CFAP99: variants seen among roughly 807,000 people sequenced by gnomAD.
The protein encoded by CFAP99 is cilia- and flagella-associated protein 99.
A neutral mutation model predicts 82.7 loss-of-function variants in CFAP99; 84 were observed. That is an observed-to-expected ratio of 1.02 (90% CI 0.85 to 1.22). The LOEUF (loss-of-function observed/expected upper bound fraction) is 1.22. Ranked by LOEUF, CFAP99 falls within the 50% of genes most tolerant of loss-of-function variation. The pLI is 0.00. For missense variants in CFAP99, 1,059 were observed against 983.5 expected (o/e 1.08, Z -1.03); for synonymous variants, 456 against 429.5 (o/e 1.06, Z -0.76).
exon 8 of CFAP99, chr4:2,449,964 C>G: frequency 1.3e-6 from 2 of 1,536,206 alleles, no homozygotes; most frequent in East Asian, 2.4e-5. Flanking sequence ...CATCGAGGAA[C>G]TGCGCTGCGC....
At chr4:2,439,049 C>T (rs1733980591) in intron 4 of CFAP99, among the ~76,000 whole-genome samples, 2 of 152,238 alleles carry the variant, frequency 1.3e-5, no homozygotes, top group Admixed American at 6.5e-5. Context: ...GGGAAGCTGG[C>T]ACACACAGGC....
chr4:2,460,124 G>A, exon 14 of CFAP99: 1 of 1,536,148 alleles, frequency 6.5e-7, no homozygotes, highest in Non-Finnish European at 8.7e-7. Context: ...GCGGCGCAAG[G>A]AGGAAGAAAA....
chr4:2,448,299 T>C lies in CFAP99; in HGVS notation c.643-1371T>C, dbSNP rs573725262. Among the ~76,000 whole-genome samples, 12 of 152,320 alleles carry C rather than the reference T, an allele frequency of 7.9e-5. No homozygotes were observed. The highest frequency in any genetic ancestry group is 2.9e-4 in the African/African-American group (12 of 41,574). ...CTCTGTCTCTGCCAAGCACAGCCCC[T>C]GCCTGGGCCCTCACCATGTCCTCCC... On this transcript the variant is annotated intron_variant, in intron 6 of 14. Transcript: ENST00000635017. The surrounding 1 kb of genome is among the most constrained non-coding windows in gnomAD (Gnocchi z 5.2).
intron 2 of CFAP99, among the ~76,000 whole-genome samples, chr4:2,430,673 C>T (rs1467179019): frequency 6.6e-6 from 1 of 152,038 alleles, no homozygotes; most frequent in African/African-American, 2.4e-5. Flanking sequence ...CATGGTGGCA[C>T]GTACCTAGTC....
At chr4:2,454,581 C>CTTTTTTTTTTTATTTTTTTTTTTT (rs1734378524) in intron 11 of CFAP99, among the ~76,000 whole-genome samples, 1 of 94,722 alleles carries the variant, frequency 1.1e-5, no homozygotes, top group Non-Finnish European at 2.1e-5. Context: ...TGTTTTTTTT[C>CTTTTTTTTTTTATTTTTTTTTTTT]TTTTTTTTTT....
chr4:2,445,040 G>A (rs533576267), intron 5 of CFAP99, 91 bp from the exon 6 acceptor site: 10 of 979,412 alleles, frequency 1.0e-5, no homozygotes, highest in Admixed American at 4.3e-5. Context: ...GGACCCAATC[G>A]CTGCGGGAGC....
chr4:2,442,660 A>C (rs1015125569), intron 4 of CFAP99, among the ~76,000 whole-genome samples: 7 of 152,082 alleles, frequency 4.6e-5, no homozygotes, highest in African/African-American at 2.4e-5. Flanking sequence ...TCCCCATCCA[A>C]CTGGCTTTCG....
chr4:2,432,428 G>C (rs1319384019), intron 2 of CFAP99, among the ~76,000 whole-genome samples: 2 of 152,222 alleles, frequency 1.3e-5, no homozygotes, highest in Non-Finnish European at 2.9e-5. Context: ...CATTCTTTCT[G>C]TTAAGTGAGA....
At position 2,447,025 on chromosome 4, in the gene CFAP99, T is replaced by G. The variant is rs374694618; in HGVS notation, c.642+1717T>G. ...GCGAATGAATGGATGGATGGGTAGA[T>G]GGATGGATGGTTGGACTCATGGAAG... On this transcript the variant is annotated intron_variant, in intron 6 of 14. Coordinates refer to ENST00000635017, the Ensembl canonical transcript of CFAP99. 2.1e-3 allele frequency among the ~76,000 whole-genome samples: 318 copies of G among 151,562 alleles called. 2 individuals are homozygous for G. The highest frequency in any genetic ancestry group is 7.4e-3 in the African/African-American group (305 of 41,260).
exon 6 of CFAP99, chr4:2,445,288 G>C: frequency 1.5e-6 from 2 of 1,365,584 alleles, no homozygotes; most frequent in Non-Finnish European, 1.9e-6. Context: ...ACCAGTCCCG[G>C]TCGTGGCCAA....
rs1038474617 is a variant in CFAP99, at chr4:2,461,652, G to C, written c.1662-791G>C. Among the ~76,000 whole-genome samples, 3 of 152,284 alleles carry C rather than the reference G, an allele frequency of 2.0e-5. No homozygotes were observed. The South Asian group carries it at 6.2e-4, about 32-fold the overall frequency. On this transcript the variant is annotated intron_variant, in intron 14 of 14. Coordinates refer to ENST00000635017, the Ensembl canonical transcript of CFAP99. ...TACCTCCTGCTAAAAAAGTTAGAGCGGGCTCAGGCATGCACTTAGGCCCCA... is the reference window on the plus strand; with the variant it reads ...TACCTCCTGCTAAAAAAGTTAGAGCCGGCTCAGGCATGCACTTAGGCCCCA...
chr4:2,456,573 G>A (rs988963046), intron 11 of CFAP99, among the ~76,000 whole-genome samples: 2 of 152,200 alleles, frequency 1.3e-5, no homozygotes, highest in Non-Finnish European at 2.9e-5. Flanking sequence ...AGGCTGGAGT[G>A]CAATGGTGCG....
At chr4:2,452,889 C>G (rs1734337310) in intron 11 of CFAP99, among the ~76,000 whole-genome samples, 1 of 152,110 alleles carries the variant, frequency 6.6e-6, no homozygotes, top group Admixed American at 6.6e-5. Flanking sequence ...ATAGCAAAAT[C>G]CCGTCTCTGT....
chr4:2,439,019 C>G (rs1225163966), intron 4 of CFAP99, among the ~76,000 whole-genome samples: 1 of 152,200 alleles, frequency 6.6e-6, no homozygotes, highest in East Asian at 1.9e-4. Context: ...ACGCCCCTGA[C>G]TGCCTGGGGC....
At chr4:2,445,087 C>T (rs976548215) in intron 5 of CFAP99, 44 bp from the exon 6 acceptor site, 90 of 1,292,224 alleles carry the variant, frequency 7.0e-5, no homozygotes, top group Non-Finnish European at 7.4e-5. Context: ...TATTGAACAG[C>T]TTAGGGAGTG....
In CFAP99 at chr4:2,446,006, T is replaced by C. The variant is rs548258061; in HGVS notation, c.642+698T>C. Among the ~76,000 whole-genome samples, 3 of 152,328 alleles carry C rather than the reference T, an allele frequency of 2.0e-5. No individual in the cohort carries two copies. Among genetic ancestry groups the C allele is most frequent in the Admixed American group, 6.5e-5 (1 of 15,300 alleles). The stretch of plus-strand genomic sequence containing the variant: ...TATAATGTCCTGACTGGTTACGGGT[T>C]CTATCCCAAGCACCAGCAATGGACT... On this transcript the variant is annotated intron_variant, in intron 6 of 14. Transcript: ENST00000635017. This position sits in a 1 kb window ranked among gnomAD's most constrained non-coding sequence, Gnocchi z 5.0.
chr4:2,430,528 A>G (rs1733778575), intron 2 of CFAP99, among the ~76,000 whole-genome samples: 1 of 149,726 alleles, frequency 6.7e-6, no homozygotes, highest in African/African-American at 2.5e-5. Context: ...GACTCCGGAC[A>G]GCGGACTGCG....
chr4:2,419,220 G>A (rs1733471085), intron 1 of CFAP99, 127 bp downstream of exon 1: 1 of 151,718 alleles, frequency 6.6e-6, no homozygotes, highest in Non-Finnish European at 1.5e-5. Context: ...CCAGCTCCCC[G>A]ATGAAAGTGA....
exon 5 of CFAP99, chr4:2,443,184 T>C: frequency 6.5e-7 from 1 of 1,535,658 alleles, no homozygotes; most frequent in Non-Finnish European, 8.7e-7. Context: ...CAAGGATGAG[T>C]GGAGCCTCAT....
Sources: gnomAD v4.1 joint callset for allele counts (sites outside exome capture counted in the v4.1 genomes callset) on GRCh38, gnomAD v4.1.1 for gene constraint, Gnocchi (gnomAD v3.1) non-coding constraint, MANE v1.5 for transcripts, NCBI Gene and HGNC (gene_info 2026-07-23, HGNC 2026-07-21) for gene names.